COL4A2: variants seen among roughly 807,000 people sequenced by gnomAD.
COL4A2 encodes collagen type IV alpha 2 chain, also known as collagen alpha-2(IV) chain.
Under a neutral mutation model 200.2 loss-of-function variants are expected in COL4A2, and 99 were observed. The observed-to-expected ratio is 0.49, with a 90% confidence interval of 0.42 to 0.58. The LOEUF (loss-of-function observed/expected upper bound fraction) is 0.58, where lower values mean the gene tolerates loss of function less well. Among genes scored for constraint, COL4A2 ranks in the 20% least tolerant of loss-of-function variants. The probability of loss-of-function intolerance (pLI) is 0.00; values close to 1 mark genes in which losing one functional copy is unlikely to be tolerated. For missense variants in COL4A2, 1,950 were observed against 2,314.1 expected, an observed-to-expected ratio of 0.84 and a Z score of 3.23; for synonymous variants, 897 against 900.6, an observed-to-expected ratio of 1.00 and a Z score of 0.07.
At chr13:110,322,664 G>C (rs1013022111) in intron 3 of COL4A2, among the ~76,000 whole-genome samples, 1 of 152,162 alleles carries the variant, frequency 6.6e-6, no homozygotes, top group Non-Finnish European at 1.5e-5. Flanking sequence ...GTGGTACTGG[G>C]GTCAGAAGAT....
chr13:110,466,753 G>C (rs999975236), intron 26 of COL4A2, among the ~76,000 whole-genome samples: 1 of 152,190 alleles, frequency 6.6e-6, no homozygotes. Flanking sequence ...TTGCACCCAG[G>C]CTACTGCCCT....
At chr13:110,410,022 G>A (rs781207569) in intron 4 of COL4A2, among the ~76,000 whole-genome samples, 1 of 152,152 alleles carries the variant, frequency 6.6e-6, no homozygotes, top group African/African-American at 2.4e-5. Flanking sequence ...TCAGACACTC[G>A]GTGTTACTGT....
At chr13:110,389,658 C>T (rs117710888) in intron 4 of COL4A2, among the ~76,000 whole-genome samples, 6,169 of 152,312 alleles carry the variant, frequency 0.041, 176 homozygotes, top group East Asian at 0.091. Flanking sequence ...TGCACTCTCA[C>T]GAGCACTAAC....
intron 3 of COL4A2, among the ~76,000 whole-genome samples, chr13:110,334,324 C>T (rs1382078059): frequency 2.6e-5 from 4 of 152,202 alleles, no homozygotes; most frequent in Non-Finnish European, 5.9e-5. Context: ...TGGCCCGCAT[C>T]TAACCTGTTG....
chr13:110,346,105 A>C (rs1436120404), intron 3 of COL4A2, among the ~76,000 whole-genome samples: 1 of 152,168 alleles, frequency 6.6e-6, no homozygotes, highest in Non-Finnish European at 1.5e-5. Flanking sequence ...AATGAAGGCC[A>C]GTGAGAGGTG....
At position 110,503,872 on chromosome 13, in the gene COL4A2, C is replaced by G. The variant is rs760152090; in HGVS notation, c.4164C>G (p.Pro1388=). ...FPGAPGTVGA[P]GIAGIPQKIA... ...GTGCCCCCGGGACTGTGGGAGCCCCCGGGATTGCAGGAATCCCCCAGAAGA... is the reference window on the plus strand; with the variant it reads ...GTGCCCCCGGGACTGTGGGAGCCCCGGGGATTGCAGGAATCCCCCAGAAGA... The change falls in exon 44 of 48, where the codon CCC becomes CCG. Residue 1388 remains proline (P), a synonymous_variant. Coordinates refer to ENST00000360467, the MANE Select transcript of COL4A2 (RefSeq NM_001846.4). 6.2e-7 allele frequency: 1 copy of G among 1,613,832 alleles called. No homozygotes were observed. The highest frequency in any genetic ancestry group is 2.2e-5 in the East Asian group (1 of 44,836).
At chr13:110,331,527 G>A (rs1875913359) in intron 3 of COL4A2, among the ~76,000 whole-genome samples, 1 of 152,202 alleles carries the variant, frequency 6.6e-6, no homozygotes, top group Non-Finnish European at 1.5e-5. Context: ...GTGCTGAGAG[G>A]TGGGAAAGGA....
intron 3 of COL4A2, among the ~76,000 whole-genome samples, chr13:110,317,944 C>G (rs936052772): frequency 6.6e-6 from 1 of 152,192 alleles, no homozygotes; most frequent in Non-Finnish European, 1.5e-5. Context: ...TTTCCCTGGA[C>G]CAATGCCAGC....
chr13:110,502,943 A>G lies in COL4A2; in HGVS notation c.3878-178A>G. ...GAGCAGTGCACCTAAAAATGATTAA[A>G]ATGGTAACTTTTATGTTCTACGTAT... On this transcript the variant is annotated intron_variant, in intron 41 of 47. Transcript: ENST00000360467. The G allele has an allele frequency of 6.5e-6, 4 of 620,126 alleles. 1 individual carries two copies. The highest frequency in any genetic ancestry group is 6.4e-5 in the South Asian group (3 of 46,572). 38.4% of individuals were successfully genotyped at this position (620,126 alleles called of 1,614,324 possible). A position where few individuals can be genotyped will look rare whatever the true frequency, so the allele number is the denominator to read the frequency against.
intron 4 of COL4A2, among the ~76,000 whole-genome samples, chr13:110,403,984 G>C (rs1434963255): frequency 1.3e-5 from 2 of 152,138 alleles, no homozygotes; most frequent in Non-Finnish European, 2.9e-5. Flanking sequence ...TCACATGACG[G>C]AAGGGACAAC....
intron 3 of COL4A2, among the ~76,000 whole-genome samples, chr13:110,311,072 G>A (rs1379540387): frequency 1.3e-5 from 2 of 152,098 alleles, no homozygotes; most frequent in Non-Finnish European, 2.9e-5. Context: ...TTTCTTCTTG[G>A]TCTTGACCGT....
At chr13:110,436,881 C>T (rs961641623) in intron 13 of COL4A2, among the ~76,000 whole-genome samples, 8 of 148,476 alleles carry the variant, frequency 5.4e-5, no homozygotes, top group East Asian at 3.9e-4. Context: ...ACTCTCTCTA[C>T]GTTTGGAGGC....
At chr13:110,310,997 G>C (rs1381921153) in intron 3 of COL4A2, among the ~76,000 whole-genome samples, 2 of 152,198 alleles carry the variant, frequency 1.3e-5, no homozygotes, top group Admixed American at 1.3e-4. Flanking sequence ...GCTTCCCAGG[G>C]CCTGAAAGGT....
intron 11 of COL4A2, among the ~76,000 whole-genome samples, chr13:110,432,569 A>G (rs1880721101): frequency 6.6e-6 from 1 of 152,104 alleles, no homozygotes; most frequent in Non-Finnish European, 1.5e-5. Context: ...AACAGGTGGA[A>G]TGATTTGTTG....
chr13:110,464,428 C>T (rs2139502064), intron 24 of COL4A2, among the ~76,000 whole-genome samples: 1 of 152,316 alleles, frequency 6.6e-6, no homozygotes, highest in East Asian at 1.9e-4. Flanking sequence ...CGTGATCCTG[C>T]CTGTGCCACC....
In COL4A2 at chr13:110,321,243, TAG is replaced by T. The variant is rs60126300; in HGVS notation, c.99+13125_99+13126del. On this transcript the variant is annotated intron_variant, in intron 3 of 47. Coordinates refer to ENST00000360467, the MANE Select transcript of COL4A2 (RefSeq NM_001846.4). ...ATATATATACACACACACACACACATAGAGAGTGTACATATATATATACACAT... is the reference window on the plus strand; with the variant it reads ...ATATATATACACACACACACACACATAGAGTGTACATATATATATACACAT... Among the ~76,000 whole-genome samples, 20 of 126,958 alleles carry T rather than the reference TAG, an allele frequency of 1.6e-4. No homozygotes were observed. In the South Asian group the frequency reaches 2.7e-3, roughly 17 times the overall value. The allele number at this position is 126,958 out of a possible 152,430, so 83.3% of individuals were successfully genotyped here. A position where few individuals can be genotyped will look rare whatever the true frequency, so the allele number is the denominator to read the frequency against.
chr13:110,420,541 G>A (rs945171282), intron 4 of COL4A2, among the ~76,000 whole-genome samples: 2 of 152,146 alleles, frequency 1.3e-5, no homozygotes, highest in African/African-American at 4.8e-5. Flanking sequence ...AGAAATTTAG[G>A]AGCTTTTGAG....
At chr13:110,421,050 C>T (rs1226813665) in intron 4 of COL4A2, among the ~76,000 whole-genome samples, 2 of 152,196 alleles carry the variant, frequency 1.3e-5, no homozygotes, top group Non-Finnish European at 2.9e-5. Context: ...GCCATCTTGA[C>T]ACTTACTAGA....
intron 3 of COL4A2, among the ~76,000 whole-genome samples, chr13:110,314,495 A>C (rs1397832360): frequency 6.6e-6 from 1 of 152,166 alleles, no homozygotes; most frequent in East Asian, 1.9e-4. Flanking sequence ...GCCTGAGTAA[A>C]AGGATTTTTG....
Sources: allele counts gnomAD v4.1 joint callset (sites outside exome capture counted in the v4.1 genomes callset), GRCh38; gene constraint gnomAD v4.1.1; transcripts MANE v1.5; gene names NCBI Gene and HGNC (gene_info 2026-07-23, HGNC 2026-07-21).